RIMBP2: variants seen among roughly 807,000 people sequenced by gnomAD.
RIMBP2 encodes the protein RIMS-binding protein 2.
RIMBP2 carries 48 observed loss-of-function variants against 118.6 expected under a neutral mutation model. That is an observed-to-expected ratio of 0.40 (90% CI 0.32 to 0.51). The LOEUF is 0.51. RIMBP2 is among the 20% of genes least tolerant of loss of function. The probability of loss-of-function intolerance (pLI) is 0.41; values close to 1 mark genes in which losing one functional copy is unlikely to be tolerated. For synonymous variants in RIMBP2, 762 were observed against 742.9 expected (o/e 1.03, Z -0.42); for missense variants, 1,551 against 1,768.3 (o/e 0.88, Z 2.20).
At position 130,424,301 on chromosome 12, in the gene RIMBP2, C is replaced by G; in HGVS notation, c.2970G>C (p.Gln990His). 1 of 1,231,590 alleles carries G rather than the reference C, an allele frequency of 8.1e-7. No individual in the cohort carries two copies. Among genetic ancestry groups the G allele is most frequent in the Non-Finnish European group, 1.0e-6 (1 of 987,806 alleles). 76.3% of individuals were successfully genotyped at this position (1,231,590 alleles called of 1,614,324 possible). A position where few individuals can be genotyped will look rare whatever the true frequency, so the allele number is the denominator to read the frequency against. ...TGGGGGGCGGCCTCTCCGGGCCGGG[C>G]TGGGGGTCGTCGTTCCTGAGGAGGC... ...PGGLLRNDDP[Q>H]PGPERPPPRK... is the part of the protein sequence containing the mutation. Residue 990 changes from glutamine to histidine, a missense_variant, in exon 16 of 23, where the codon CAG becomes CAC. This residue lies in a region of RIMBP2 where 1,038 missense variants were observed against 1,125.1 expected (regional missense o/e 0.92). Transcript: ENST00000690449. This position sits in a 1 kb window ranked among gnomAD's most constrained non-coding sequence, Gnocchi z 9.8.
intron 4 of RIMBP2, among the ~76,000 whole-genome samples, chr12:130,501,339 T>A (rs2049755030): frequency 6.6e-6 from 1 of 152,130 alleles, no homozygotes; most frequent in Non-Finnish European, 1.5e-5. Context: ...CAAAGCCAGA[T>A]GCACCTCCTC....
chr12:130,494,657 A>G (rs944586212), intron 4 of RIMBP2, among the ~76,000 whole-genome samples: 2 of 123,490 alleles, frequency 1.6e-5, no homozygotes, highest in Non-Finnish European at 1.7e-5. Flanking sequence ...AAAAAGAAAG[A>G]AAAGAAAAGA....
rs2140561297 is a variant in RIMBP2, at chr12:130,610,072, T to G, written c.-217+18250A>C. Among the ~76,000 whole-genome samples the G allele has an allele frequency of 1.3e-5, 2 of 152,298 alleles. 1 individual carries two copies. Among genetic ancestry groups the G allele is most frequent in the East Asian group, 3.9e-4 (2 of 5,174 alleles). On this transcript the variant is annotated intron_variant, in intron 2 of 22. Transcript: ENST00000690449. ...CTGGGCATCCCTCAACCTAGTTAAG[T>G]TGGCACAAAGTCAACCATCACGGGG...
intron 1 of RIMBP2, among the ~76,000 whole-genome samples, chr12:130,689,948 G>A (rs1039909288): frequency 6.6e-6 from 1 of 152,154 alleles, no homozygotes; most frequent in African/African-American, 2.4e-5. Context: ...TGCAGGCTCA[G>A]GAGTAAGGGG....
intron 2 of RIMBP2, among the ~76,000 whole-genome samples, chr12:130,599,174 G>A (rs145118953): frequency 6.6e-5 from 10 of 152,210 alleles, no homozygotes; most frequent in East Asian, 1.9e-4. Flanking sequence ...AAAAATTAAC[G>A]CAAAATAGAT....
chr12:130,610,547 CCTG>C (rs2060462865), intron 2 of RIMBP2, among the ~76,000 whole-genome samples: 1 of 135,866 alleles, frequency 7.4e-6, no homozygotes, highest in African/African-American at 2.9e-5. Context: ...AAGTAATTTT[CCTG>C]CTTTTTTTTT....
chr12:130,513,329 A>G (rs4759487), intron 3 of RIMBP2, among the ~76,000 whole-genome samples: 27,375 of 152,212 alleles, frequency 0.18, 2,935 homozygotes, highest in South Asian at 0.3. Context: ...AAAAAATCTC[A>G]TAAGAGTGAA....
At chr12:130,644,034 A>C (rs1303115333) in intron 1 of RIMBP2, among the ~76,000 whole-genome samples, 1 of 152,220 alleles carries the variant, frequency 6.6e-6, no homozygotes, top group Non-Finnish European at 1.5e-5. Flanking sequence ...AAAGGCCCTG[A>C]GGCAGGAGCT....
chr12:130,619,879 G>T (rs138560911), intron 2 of RIMBP2, among the ~76,000 whole-genome samples: 1 of 152,186 alleles, frequency 6.6e-6, no homozygotes, highest in African/African-American at 2.4e-5. Flanking sequence ...GTCAAAACAC[G>T]TAAAGGGACA....
chr12:130,437,829 G>C (rs542633254), intron 12 of RIMBP2, among the ~76,000 whole-genome samples: 2 of 152,310 alleles, frequency 1.3e-5, no homozygotes, highest in Non-Finnish European at 2.9e-5. Context: ...GGCGGAGCTG[G>C]GGACGGTGAG....
At chr12:130,594,371 A>G (rs1408172262) in intron 2 of RIMBP2, among the ~76,000 whole-genome samples, 1 of 152,244 alleles carries the variant, frequency 6.6e-6, no homozygotes, top group Non-Finnish European at 1.5e-5. Flanking sequence ...TAAACAAGAC[A>G]GAAGATAAGA....
intron 1 of RIMBP2, among the ~76,000 whole-genome samples, chr12:130,698,562 C>A (rs1368615467): frequency 6.6e-6 from 1 of 152,174 alleles, no homozygotes; most frequent in East Asian, 1.9e-4. Flanking sequence ...TCAAGACCAG[C>A]CTGGCCAATA....
chr12:130,458,323 T>C (rs751404758), intron 6 of RIMBP2, among the ~76,000 whole-genome samples: 49 of 152,298 alleles, frequency 3.2e-4, no homozygotes, highest in Non-Finnish European at 6.6e-4. Flanking sequence ...AAGATAGGCA[T>C]AGAGCTAAAA....
In RIMBP2 at chr12:130,683,313, TCC is replaced by T. The variant is rs2064887498; in HGVS notation, c.-352+32907_-352+32908del. On this transcript the variant is annotated intron_variant, in intron 1 of 22. Transcript: ENST00000690449. This position sits in a 1 kb window ranked among gnomAD's most constrained non-coding sequence, Gnocchi z 4.4. ...AGCCGGGGAACGCAGGGAGCCAGGC[TCC>T]CCACAGAGCCTCCAGGGGGAAGGCA... Among the ~76,000 whole-genome samples, 1 of 152,112 alleles carries T rather than the reference TCC, an allele frequency of 6.6e-6. No homozygotes were observed. The highest frequency in any genetic ancestry group is 6.5e-5 in the Admixed American group (1 of 15,268).
chr12:130,656,722 T>C (rs1482573475), intron 1 of RIMBP2, among the ~76,000 whole-genome samples: 2 of 152,142 alleles, frequency 1.3e-5, no homozygotes. Flanking sequence ...TTATTAACTT[T>C]CTAAAATTTA....
At chr12:130,472,695 CT>C (rs2081110665) in intron 5 of RIMBP2, among the ~76,000 whole-genome samples, 1 of 152,150 alleles carries the variant, frequency 6.6e-6, no homozygotes, top group African/African-American at 2.4e-5. Context: ...ATTCCGTGCG[CT>C]GAAAACAGGG....
At chr12:130,479,373 T>C (rs1459934833) in intron 4 of RIMBP2, among the ~76,000 whole-genome samples, 2 of 152,216 alleles carry the variant, frequency 1.3e-5, no homozygotes, top group East Asian at 3.9e-4. Context: ...CCTTTGTATA[T>C]AACAGCAAAG....
At chr12:130,645,590 T>C (rs1031553483) in intron 1 of RIMBP2, among the ~76,000 whole-genome samples, 3 of 152,190 alleles carry the variant, frequency 2.0e-5, no homozygotes, top group Non-Finnish European at 4.4e-5. Context: ...CCTCTCCCAC[T>C]GGAGCAAGCA....
intron 1 of RIMBP2, among the ~76,000 whole-genome samples, chr12:130,636,057 C>T (rs972661059): frequency 1.3e-5 from 2 of 152,168 alleles, no homozygotes; most frequent in Admixed American, 1.3e-4. Flanking sequence ...TCATCTCTTG[C>T]CACCACCCTC....
Sources: allele counts gnomAD v4.1 joint callset (sites outside exome capture counted in the v4.1 genomes callset), GRCh38; gene constraint gnomAD v4.1.1; regional missense constraint gnomAD v4.1.1; non-coding constraint Gnocchi (gnomAD v3.1); transcripts MANE v1.5; gene names NCBI Gene and HGNC (gene_info 2026-07-23, HGNC 2026-07-21).